HIVEP3: variants seen among roughly 807,000 people sequenced by gnomAD.
The protein encoded by HIVEP3 is HIVEP zinc finger 3.
Under a neutral mutation model 152.8 loss-of-function variants are expected in HIVEP3, and 49 were observed. That is an observed-to-expected ratio of 0.32 (90% CI 0.26 to 0.41). The LOEUF (loss-of-function observed/expected upper bound fraction) is 0.41, where lower values mean the gene tolerates loss of function less well. Ranked by LOEUF, HIVEP3 falls within the 10% of genes least tolerant of loss-of-function variation. The pLI is 1.00. For synonymous variants in HIVEP3, 1,269 were observed against 1,289.0 expected (o/e 0.98, Z 0.33); for missense variants, 2,790 against 3,103.3 (o/e 0.90, Z 2.40).
At chr1:41,650,563 G>GTT (rs74511211) in intron 2 of HIVEP3, among the ~76,000 whole-genome samples, 13 of 145,016 alleles carry the variant, frequency 9.0e-5, no homozygotes, top group Middle Eastern at 3.6e-3. Flanking sequence ...TGTTTTCTGG[G>GTT]TTTTTTTTTT....
intron 1 of HIVEP3, among the ~76,000 whole-genome samples, chr1:41,988,612 G>A (rs1645338022): frequency 6.6e-6 from 1 of 152,204 alleles, no homozygotes. Flanking sequence ...CTACACTACT[G>A]ATGGGAATGT....
At chr1:41,549,541 T>C (rs1200347456) in intron 5 of HIVEP3, among the ~76,000 whole-genome samples, 1 of 152,198 alleles carries the variant, frequency 6.6e-6, no homozygotes, top group African/African-American at 2.4e-5. Context: ...ATCTGTTGTT[T>C]CCTCACTTTT....
At position 41,513,533 on chromosome 1, in the gene HIVEP3, G is replaced by T; in HGVS notation, c.5688C>A (p.Pro1896=). The T allele has an allele frequency of 6.2e-7, 1 of 1,607,562 alleles. No homozygotes were observed. The change falls in exon 8 of 9, where the codon CCC becomes CCA. Residue 1896 remains proline (P), a synonymous_variant. Transcript: ENST00000372583. ...CATCTGGGGGCTGAGGGCCCAGGAT[G>T]GGTGAGGAGTCTGCCCGCAGTGCAT... ...PPHALRADSS[P]ILGPQPPDAP...
intron 1 of HIVEP3, among the ~76,000 whole-genome samples, chr1:41,760,043 C>A (rs2124243643): frequency 6.6e-6 from 1 of 152,250 alleles, no homozygotes; most frequent in African/African-American, 2.4e-5. Flanking sequence ...CATAGTGGTG[C>A]AAGCCTGTGG....
At chr1:41,632,475 C>A (rs763791516) in intron 2 of HIVEP3, among the ~76,000 whole-genome samples, 6 of 152,192 alleles carry the variant, frequency 3.9e-5, no homozygotes, top group Admixed American at 2.0e-4. Flanking sequence ...ACCTCGTGAT[C>A]CACCTGTCAA....
chr1:41,875,055 G>A (rs896202354), intron 1 of HIVEP3, among the ~76,000 whole-genome samples: 2 of 152,238 alleles, frequency 1.3e-5, no homozygotes, highest in Non-Finnish European at 2.9e-5. Flanking sequence ...TGGAGCGGGG[G>A]AGAGAACAGC....
intron 1 of HIVEP3, among the ~76,000 whole-genome samples, chr1:41,725,366 CAAG>C: frequency 6.6e-6 from 1 of 152,204 alleles, no homozygotes; most frequent in Non-Finnish European, 1.5e-5. Flanking sequence ...GAATAGCTGT[CAAG>C]AGGCAAGAGA....
Position 41,600,910 on chromosome 1 carries a change from C to T in HIVEP3, c.-521-15592G>A, listed in dbSNP as rs114722836. Among the ~76,000 whole-genome samples, 986 of 152,064 alleles carry T rather than the reference C, an allele frequency of 6.5e-3. 5 individuals carry two copies. The highest frequency in any genetic ancestry group is 0.023 in the African/African-American group (946 of 41,518). ...TCCATTTTGAGTTGATCTTTATGTA[C>T]GGTGATTTTTATGTATGGTTAATTT... On this transcript the variant is annotated intron_variant, in intron 3 of 8. Transcript: ENST00000372583.
chr1:41,577,154 CAG>C (rs1316821490), intron 4 of HIVEP3, among the ~76,000 whole-genome samples: 6 of 152,154 alleles, frequency 3.9e-5, no homozygotes, highest in Non-Finnish European at 7.3e-5. Flanking sequence ...CCAGGAAACA[CAG>C]TGTTGGAACT....
chr1:41,658,775 G>A (rs1399387440), intron 2 of HIVEP3, among the ~76,000 whole-genome samples: 3 of 152,130 alleles, frequency 2.0e-5, no homozygotes, highest in South Asian at 2.1e-4. Flanking sequence ...CTCTGCAGCC[G>A]ATCAGGAACC....
chr1:41,694,631 G>C lies in HIVEP3; in HGVS notation c.-721+6285C>G, dbSNP rs554490800. Among the ~76,000 whole-genome samples, 8 of 152,268 alleles carry C rather than the reference G, an allele frequency of 5.3e-5. No homozygotes were observed. The South Asian group carries it at 1.7e-3, about 32-fold the overall frequency. ...GAGAAGTGGCTCACTACTAGACTGC[G>C]TGTCATGTGCAACATGCCCCAACAC... On this transcript the variant is annotated intron_variant, in intron 2 of 8. Transcript: ENST00000372583.
chr1:41,730,638 C>T (rs1394122568), intron 1 of HIVEP3, among the ~76,000 whole-genome samples: 6 of 152,264 alleles, frequency 3.9e-5, no homozygotes, highest in East Asian at 1.9e-4. Flanking sequence ...AGTTCTCTCA[C>T]GCTCTTTGCA....
rs141799862 is a variant in HIVEP3 at position 41,662,480 on chromosome 1, G to T, written c.-720-33533C>A. On this transcript the variant is annotated intron_variant, in intron 2 of 8. Coordinates refer to ENST00000372583, the MANE Select transcript of HIVEP3 (RefSeq NM_024503.5). This position sits in a 1 kb window ranked among gnomAD's most constrained non-coding sequence, Gnocchi z 7.2. ...CCCAGAGTTTCCTGTCGCCGAGCAC[G>T]GGGACCCCGCCGCCGGCCCGGGGCG... Among the ~76,000 whole-genome samples, 17 of 151,392 alleles carry T rather than the reference G, an allele frequency of 1.1e-4. No homozygotes were observed. Among genetic ancestry groups the T allele is most frequent in the Non-Finnish European group, 1.8e-4 (12 of 67,736 alleles).
At chr1:41,587,949 T>G (rs1438140794) in intron 3 of HIVEP3, among the ~76,000 whole-genome samples, 3 of 152,176 alleles carry the variant, frequency 2.0e-5, no homozygotes, top group Non-Finnish European at 4.4e-5. Context: ...AGTAAGGAAT[T>G]GTCTAGCATC....
At chr1:41,716,529 C>T (rs1020943321) in intron 1 of HIVEP3, among the ~76,000 whole-genome samples, 2 of 152,148 alleles carry the variant, frequency 1.3e-5, no homozygotes, top group Admixed American at 1.3e-4. Flanking sequence ...TGGGGGGCCC[C>T]GATGAGGGTG....
At chr1:41,574,195 G>A (rs61773674) in intron 5 of HIVEP3, among the ~76,000 whole-genome samples, 26 of 152,150 alleles carry the variant, frequency 1.7e-4, no homozygotes, top group Admixed American at 5.9e-4. Flanking sequence ...AGGGCCAGTC[G>A]CTGTGAGCAG....
intron 1 of HIVEP3, among the ~76,000 whole-genome samples, chr1:41,827,655 G>A (rs1408299217): frequency 6.6e-6 from 1 of 152,004 alleles, no homozygotes; most frequent in Non-Finnish European, 1.5e-5. Flanking sequence ...TAGGCTGATA[G>A]GGGGGCCACA....
intron 1 of HIVEP3, among the ~76,000 whole-genome samples, chr1:41,745,047 G>C (rs1261617844): frequency 6.6e-6 from 1 of 152,250 alleles, no homozygotes; most frequent in Non-Finnish European, 1.5e-5. Context: ...GCTCCAGCCA[G>C]AACCTGGGGG....
chr1:41,743,413 T>C (rs1647026125), intron 1 of HIVEP3, among the ~76,000 whole-genome samples: 1 of 152,232 alleles, frequency 6.6e-6, no homozygotes, highest in Non-Finnish European at 1.5e-5. Context: ...GAGCCTGACA[T>C]CTGGCAGACA....
Sources: gnomAD v4.1 joint callset for allele counts (sites outside exome capture counted in the v4.1 genomes callset) on GRCh38, gnomAD v4.1.1 for gene constraint, Gnocchi (gnomAD v3.1) non-coding constraint, MANE v1.5 for transcripts, NCBI Gene and HGNC (gene_info 2026-07-23, HGNC 2026-07-21) for gene names.